The following MEIS2 variants were observed in gnomAD, a reference collection of about 807,000 sequenced individuals.
The protein encoded by MEIS2 is Meis homeobox 2, also known as homeobox protein Meis2.
In MEIS2, 9 loss-of-function variants were observed where a neutral mutation model predicts 58.6. The observed-to-expected ratio is 0.15, with a 90% CI of 0.09 to 0.27. The LOEUF (loss-of-function observed/expected upper bound fraction) is 0.27, where lower values mean the gene tolerates loss of function less well. MEIS2 is among the 10% of genes least tolerant of loss of function. The probability of loss-of-function intolerance (pLI) is 1.00; values close to 1 mark genes in which losing one functional copy is unlikely to be tolerated. For synonymous variants in MEIS2, 221 were observed against 228.4 expected (o/e 0.97, Z 0.29); for missense variants, 427 against 635.0 (o/e 0.67, Z 3.52).
chr15:37,011,519 A>T (rs560518580), intron 8 of MEIS2, among the ~76,000 whole-genome samples: 2 of 152,108 alleles, frequency 1.3e-5, no homozygotes, highest in East Asian at 3.9e-4. Flanking sequence ...TGAAAAAGAG[A>T]CATGTGCGTT....
intron 7 of MEIS2, among the ~76,000 whole-genome samples, chr15:37,078,637 A>G (rs904799747): frequency 4.0e-5 from 6 of 149,792 alleles, no homozygotes; most frequent in Admixed American, 6.6e-5. Context: ...AAAAAACACC[A>G]AAAAAGAAAA....
At chr15:37,040,673 T>C (rs1477504084) in intron 7 of MEIS2, among the ~76,000 whole-genome samples, 1 of 152,212 alleles carries the variant, frequency 6.6e-6, no homozygotes, top group Non-Finnish European at 1.5e-5. Flanking sequence ...ACCAAGGGCA[T>C]AGTCTAAGTT....
chr15:36,893,390 A>C (rs1237907666), intron 11 of MEIS2, among the ~76,000 whole-genome samples: 2 of 152,342 alleles, frequency 1.3e-5, no homozygotes, highest in Non-Finnish European at 2.9e-5. Flanking sequence ...TATATGCTGC[A>C]GTCATTTTGT....
At chr15:37,051,640 A>T (rs2062923136) in intron 7 of MEIS2, among the ~76,000 whole-genome samples, 1 of 152,188 alleles carries the variant, frequency 6.6e-6, no homozygotes, top group African/African-American at 2.4e-5. Flanking sequence ...AAAGTTCATA[A>T]AAATAATAAG....
chr15:36,908,151 C>T (rs2056832576), intron 9 of MEIS2, among the ~76,000 whole-genome samples: 1 of 152,146 alleles, frequency 6.6e-6, no homozygotes, highest in African/African-American at 2.4e-5. Flanking sequence ...TTCCTGACTG[C>T]CTTTTCTTAA....
chr15:36,918,774 G>A (rs1198698807), intron 9 of MEIS2, among the ~76,000 whole-genome samples: 2 of 152,150 alleles, frequency 1.3e-5, no homozygotes, highest in African/African-American at 2.4e-5. Context: ...ACCAGATAGA[G>A]AAAACTACTT....
chr15:37,101,300 A>G (rs3110012), upstream of MEIS2: 129,967 of 148,336 alleles, frequency 0.88, 56,807 homozygotes, highest in East Asian at 0.96. Flanking sequence ...ATGTAGCCAA[A>G]GGCGTGTGTG....
chr15:37,023,360 T>A (rs1353774045), intron 8 of MEIS2, among the ~76,000 whole-genome samples: 1 of 152,246 alleles, frequency 6.6e-6, no homozygotes, highest in Admixed American at 6.5e-5. Context: ...ATGATCATTG[T>A]GCCTATTGTG....
chr15:37,061,597 T>A (rs2141842214), intron 7 of MEIS2, among the ~76,000 whole-genome samples: 1 of 152,340 alleles, frequency 6.6e-6, no homozygotes, highest in Non-Finnish European at 1.5e-5. Flanking sequence ...GTCTACCTTG[T>A]TAAGTCATTC....
rs181841411 is a variant in MEIS2, at chr15:37,040,053, T to A, written c.755-3094A>T. Among the ~76,000 whole-genome samples, 518 of 151,254 alleles carry A rather than the reference T, an allele frequency of 3.4e-3. 3 individuals carry two copies. The highest frequency in any genetic ancestry group is 0.012 in the African/African-American group (505 of 41,274). The stretch of plus-strand genomic sequence containing the variant: ...ACTCAACATGGATATTGGTGTTTTT[T>A]TTTTTTTGTTTTAAGGCTGTGTATG... On this transcript the variant is annotated intron_variant, in intron 7 of 11. Coordinates refer to ENST00000561208, the MANE Select transcript of MEIS2 (RefSeq NM_170675.5).
chr15:36,950,517 T>TG, intron 8 of MEIS2, 117 bp from the exon 9 acceptor site: 5 of 946,728 alleles, frequency 5.3e-6, no homozygotes, highest in Non-Finnish European at 8.1e-6. Flanking sequence ...TTTTCCTACT[T>TG]GCATCTTTTT....
intron 8 of MEIS2, among the ~76,000 whole-genome samples, chr15:37,027,915 C>A (rs2061762123): frequency 6.6e-6 from 1 of 152,136 alleles, no homozygotes; most frequent in African/African-American, 2.4e-5. Context: ...ACATTTGTCA[C>A]AACTGATGAA....
At chr15:37,069,709 C>A (rs1387576794) in intron 7 of MEIS2, among the ~76,000 whole-genome samples, 1 of 152,116 alleles carries the variant, frequency 6.6e-6, no homozygotes, top group Non-Finnish European at 1.5e-5. Flanking sequence ...CTTCTGGGAT[C>A]CTCCAACAAT....
chr15:37,091,488 G>A (rs1271961757), intron 6 of MEIS2, among the ~76,000 whole-genome samples: 1 of 152,106 alleles, frequency 6.6e-6, no homozygotes, highest in Non-Finnish European at 1.5e-5. Context: ...AAGCCCTCAT[G>A]GGTTCAAAAT....
At position 36,889,828 on chromosome 15, in the gene MEIS2, T is replaced by C. The variant is rs1595655158; in HGVS notation, c.*2345A>G. On this transcript the variant is annotated 3_prime_UTR_variant, in exon 12 of 12. Transcript: ENST00000561208. ...ATTTAAAATTTACAAAAAGACTTCA[T>C]GTAAAATAGAATAGCAAAAATGAGA... is the stretch of plus-strand genomic sequence containing the variant. 1 of 152,318 alleles carries C rather than the reference T, an allele frequency of 6.6e-6. No individual in the cohort carries two copies. Among genetic ancestry groups the C allele is most frequent in the Middle Eastern group, 3.4e-3 (1 of 294 alleles). The allele number at this position is 152,318 out of a possible 1,614,324, so 9.4% of individuals were successfully genotyped here. A position where few individuals can be genotyped will look rare whatever the true frequency, so the allele number is the denominator to read the frequency against.
chr15:37,010,636 C>A (rs1299241744), intron 8 of MEIS2, among the ~76,000 whole-genome samples: 1 of 152,352 alleles, frequency 6.6e-6, no homozygotes, highest in East Asian at 1.9e-4. Context: ...CCATCGGCCT[C>A]CGCCAGTGCT....
intron 6 of MEIS2, among the ~76,000 whole-genome samples, chr15:37,092,942 T>G (rs947093014): frequency 2.3e-4 from 35 of 152,082 alleles, no homozygotes; most frequent in Non-Finnish European, 5.9e-5. Context: ...CTTTCTGTAA[T>G]ACATTGTTAA....
chr15:36,914,174 C>A (rs550360305), intron 9 of MEIS2, among the ~76,000 whole-genome samples: 1 of 152,276 alleles, frequency 6.6e-6, no homozygotes, highest in Admixed American at 6.5e-5. Flanking sequence ...TGAAAATGAT[C>A]TTTCTGAGGA....
At chr15:37,079,594 C>T (rs147131426) in intron 7 of MEIS2, among the ~76,000 whole-genome samples, 1 of 152,056 alleles carries the variant, frequency 6.6e-6, no homozygotes, top group Admixed American at 6.6e-5. Context: ...CTCAAAAGTG[C>T]AATACTATCT....
Sources: allele counts gnomAD v4.1 joint callset (sites outside exome capture counted in the v4.1 genomes callset), GRCh38; gene constraint gnomAD v4.1.1; transcripts MANE v1.5; gene names NCBI Gene and HGNC (gene_info 2026-07-23, HGNC 2026-07-21).